PRELID2: variants seen among roughly 807,000 people sequenced by gnomAD.
PRELID2 encodes PRELI domain-containing protein 2.
Under a neutral mutation model 28.4 loss-of-function variants are expected in PRELID2, and 25 were observed. The ratio of observed to expected loss-of-function variants is 0.88; its 90% CI spans 0.64 to 1.23. The LOEUF (loss-of-function observed/expected upper bound fraction) is 1.23, where lower values mean the gene tolerates loss of function less well. PRELID2 is among the 50% of genes most tolerant of loss of function. PRELID2 has a pLI of 0.00. For missense variants in PRELID2, 201 were observed against 214.4 expected (o/e 0.94, Z 0.39); for synonymous variants, 76 against 71.6 (o/e 1.06, Z -0.31).
chr5:145,331,051 C>A, the PRELID2 span, among the ~76,000 whole-genome samples: 3 of 152,076 alleles, frequency 2.0e-5, no homozygotes, highest in Admixed American at 2.0e-4. Flanking sequence ...CATTTAGGAC[C>A]AGGTTGTTCA....
In PRELID2 at chr5:145,760,355, G is replaced by A. The variant is rs753866975; in HGVS notation, c.*181C>T. ...TCCCACTATTCGAAGCAGGCTCCCA[G>A]AGGAGGGTATCATTTTATGTCCTGG... On this transcript the variant is annotated 3_prime_UTR_variant, in exon 7 of 7. Coordinates refer to ENST00000683046, the MANE Select transcript of PRELID2 (RefSeq NM_205846.3). 10 of 152,124 alleles carry A rather than the reference G, an allele frequency of 6.6e-5. No individual in the cohort carries two copies. The highest frequency in any genetic ancestry group is 1.5e-4 in the Non-Finnish European group (10 of 68,026). 9.4% of individuals were successfully genotyped at this position (152,124 alleles called of 1,614,324 possible). A position where few individuals can be genotyped will look rare whatever the true frequency, so the allele number is the denominator to read the frequency against.
chr5:145,608,074 C>A (rs988650020), intron 1 of PRELID2, among the ~76,000 whole-genome samples: 3 of 146,458 alleles, frequency 2.0e-5, no homozygotes, highest in Non-Finnish European at 3.0e-5. Flanking sequence ...AAATAGTAAA[C>A]CCTGCTTTGT....
chr5:145,686,349 TATAA>T (rs1755038429), intron 1 of PRELID2, among the ~76,000 whole-genome samples: 1 of 152,140 alleles, frequency 6.6e-6, no homozygotes, highest in Admixed American at 6.5e-5. Flanking sequence ...ATATTTATAA[TATAA>T]ATAAACAGTC....
intron 1 of PRELID2, among the ~76,000 whole-genome samples, chr5:145,540,666 T>C (rs890852435): frequency 2.7e-5 from 4 of 149,066 alleles, no homozygotes; most frequent in Non-Finnish European, 5.9e-5. Context: ...TTAAGACCCA[T>C]TTTTTCTAAG....
chr5:145,810,284 T>C (rs1753837729), intron 4 of PRELID2, among the ~76,000 whole-genome samples: 1 of 152,190 alleles, frequency 6.6e-6, no homozygotes, highest in Admixed American at 6.5e-5. Flanking sequence ...AAATAGAGCA[T>C]GAGCATGGCA....
intron 1 of PRELID2, among the ~76,000 whole-genome samples, chr5:145,502,344 T>A (rs1752367031): frequency 6.6e-6 from 1 of 152,132 alleles, no homozygotes; most frequent in Admixed American, 6.6e-5. Flanking sequence ...CCATTCATGA[T>A]AAACCACCCT....
At chr5:145,830,205 T>C (rs1033031787) in intron 1 of PRELID2, among the ~76,000 whole-genome samples, 6 of 152,138 alleles carry the variant, frequency 3.9e-5, no homozygotes, top group Non-Finnish European at 7.4e-5. Flanking sequence ...CAGAAACAAA[T>C]GACAAAAATC....
At chr5:145,508,328 T>C (rs1214180461) in intron 1 of PRELID2, among the ~76,000 whole-genome samples, 3 of 151,946 alleles carry the variant, frequency 2.0e-5, no homozygotes, top group African/African-American at 7.2e-5. Context: ...TATTAATCAA[T>C]CTTTTTTCTC....
the PRELID2 span, among the ~76,000 whole-genome samples, chr5:145,415,526 C>T: frequency 1.2e-4 from 17 of 146,688 alleles, no homozygotes; most frequent in African/African-American, 3.8e-4. Flanking sequence ...CGAGAACATG[C>T]AGTGTTTGGT....
At position 145,775,377 on chromosome 5, in the gene PRELID2, G is replaced by A. The variant is rs11959117; in HGVS notation, c.475-10377C>T. Among the ~76,000 whole-genome samples the A allele has an allele frequency of 5.3e-3, 808 of 152,170 alleles. 7 individuals carry two copies. The highest frequency in any genetic ancestry group is 0.018 in the African/African-American group (766 of 41,520). ...TACCAAAAAATGACATGTCAGCTTC[G>A]GCACATTCCTTCCTACAATCAAAAA... is the stretch of plus-strand genomic sequence containing the variant. On this transcript the variant is annotated intron_variant, in intron 5 of 6. Coordinates refer to ENST00000683046, the MANE Select transcript of PRELID2 (RefSeq NM_205846.3).
intron 1 of PRELID2, among the ~76,000 whole-genome samples, chr5:145,500,421 GCCAATTAAA>G (rs68018247): frequency 0.13 from 19,621 of 152,008 alleles, 1,619 homozygotes; most frequent in East Asian, 0.18. Context: ...TAGAAAGTGA[GCCAATTAAA>G]CCTCTTTATC....
chr5:145,249,937 G>GTCTCTCTCTC, the PRELID2 span, among the ~76,000 whole-genome samples: 35 of 138,698 alleles, frequency 2.5e-4, no homozygotes, highest in African/African-American at 8.9e-4. Flanking sequence ...CTCTCTCTCT[G>GTCTCTCTCTC]TCTCTCTCTC....
At chr5:145,697,036 TATATATA>T (rs1755286642) in intron 1 of PRELID2, among the ~76,000 whole-genome samples, 7 of 11,128 alleles carry the variant, frequency 6.3e-4, no homozygotes, top group Non-Finnish European at 9.4e-4. Flanking sequence ...AGGAAAATTA[TATATATA>T]TATATATATA....
the PRELID2 span, among the ~76,000 whole-genome samples, chr5:145,239,944 T>C: frequency 6.6e-6 from 1 of 152,086 alleles, no homozygotes; most frequent in East Asian, 1.9e-4. Flanking sequence ...TTATTTCATA[T>C]AAAAATATGG....
chr5:145,440,800 T>C, the PRELID2 span: 1 of 152,082 alleles, frequency 6.6e-6, no homozygotes, highest in African/African-American at 2.4e-5. Flanking sequence ...TTATGTTTTA[T>C]TTATTTGTTT....
the PRELID2 span, among the ~76,000 whole-genome samples, chr5:145,386,464 C>T: frequency 6.6e-6 from 1 of 152,056 alleles, no homozygotes; most frequent in Non-Finnish European, 1.5e-5. Context: ...AGGCAGTTTT[C>T]CCTGCTCCTG....
At chr5:145,583,920 C>G (rs569601539) in intron 1 of PRELID2, among the ~76,000 whole-genome samples, 3 of 151,828 alleles carry the variant, frequency 2.0e-5, no homozygotes, top group African/African-American at 7.3e-5. Flanking sequence ...GCAGTCATCA[C>G]GGAATTAGAA....
chr5:145,555,744 A>C (rs940601514), intron 1 of PRELID2, among the ~76,000 whole-genome samples: 1 of 152,166 alleles, frequency 6.6e-6, no homozygotes, highest in African/African-American at 2.4e-5. Context: ...AGGAGTATCA[A>C]ATCAAGAAAA....
At chr5:145,311,035 A>G in the PRELID2 span, among the ~76,000 whole-genome samples, 2 of 152,196 alleles carry the variant, frequency 1.3e-5, no homozygotes, top group Non-Finnish European at 2.9e-5. Flanking sequence ...GATTGGCAAC[A>G]ATTCTGATGT....
Sources: allele counts gnomAD v4.1 joint callset (sites outside exome capture counted in the v4.1 genomes callset), GRCh38; gene constraint gnomAD v4.1.1; transcripts MANE v1.5; gene names NCBI Gene and HGNC (gene_info 2026-07-23, HGNC 2026-07-21).